Variants in PRKAG2 observed in about 807,000 individuals in gnomAD.
PRKAG2 encodes the protein 5'-AMP-activated protein kinase subunit gamma-2.
PRKAG2 carries 26 observed loss-of-function variants against 69.6 expected under a neutral mutation model. The ratio of observed to expected loss-of-function variants is 0.37; its 90% CI spans 0.27 to 0.52. PRKAG2 has a LOEUF of 0.52. Among genes scored for constraint, PRKAG2 ranks in the 20% least tolerant of loss-of-function variants. PRKAG2 has a pLI of 0.90. For missense variants in PRKAG2, 557 were observed against 740.0 expected (o/e 0.75, Z 2.87); for synonymous variants, 293 against 285.0 (o/e 1.03, Z -0.28).
At chr7:151,725,065 G>A (rs144617480) in intron 3 of PRKAG2, among the ~76,000 whole-genome samples, 22 of 152,186 alleles carry the variant, frequency 1.4e-4, no homozygotes, top group Non-Finnish European at 2.5e-4. Context: ...CAACAGGAGC[G>A]AGGTCGGCCC....
intron 4 of PRKAG2, among the ~76,000 whole-genome samples, chr7:151,654,526 T>C (rs954228): frequency 0.31 from 46,829 of 152,130 alleles, 7,268 homozygotes; most frequent in Middle Eastern, 0.39. Context: ...ATGCAAATAC[T>C]ACTGATACCT....
intron 3 of PRKAG2, among the ~76,000 whole-genome samples, chr7:151,755,387 C>A: frequency 6.6e-6 from 1 of 152,006 alleles, no homozygotes; most frequent in East Asian, 1.9e-4. Context: ...GGACATGAGC[C>A]TGAGCAGAGG....
At chr7:151,646,046 G>A (rs995313812) in intron 4 of PRKAG2, among the ~76,000 whole-genome samples, 1 of 152,018 alleles carries the variant, frequency 6.6e-6, no homozygotes, top group Non-Finnish European at 1.5e-5. Flanking sequence ...TCTCTATTTT[G>A]TTCATTGATT....
rs773497661 is a variant in PRKAG2 at position 151,560,426 on chromosome 7, A to T, written c.1678+98T>A. The T allele has an allele frequency of 2.5e-6, 4 of 1,609,974 alleles. No homozygotes were observed. The South Asian group carries it at 3.3e-5, about 13-fold the overall frequency. On this transcript the variant is annotated intron_variant, in intron 15 of 15. Coordinates refer to ENST00000287878, the MANE Select transcript of PRKAG2 (RefSeq NM_016203.4). Reference sequence around the variant, plus strand: ...TAATATACTCAAAGCCTTGATCTGTAGGTGGGTGGAGAAATGATGGTTTAA... The same window carrying T: ...TAATATACTCAAAGCCTTGATCTGTTGGTGGGTGGAGAAATGATGGTTTAA...
chr7:151,755,149 C>A (rs1390860366), intron 3 of PRKAG2, among the ~76,000 whole-genome samples: 1 of 152,126 alleles, frequency 6.6e-6, no homozygotes, highest in Non-Finnish European at 1.5e-5. Context: ...TGGGCGTAGG[C>A]CGGCTCTGGG....
chr7:151,844,173 C>T (rs1361241112), intron 1 of PRKAG2, among the ~76,000 whole-genome samples: 3 of 152,174 alleles, frequency 2.0e-5, no homozygotes, highest in Admixed American at 1.3e-4. Flanking sequence ...AGAGAAAGAG[C>T]GTGGCTCTGA....
At chr7:151,800,093 C>T (rs1224549818) in intron 1 of PRKAG2, among the ~76,000 whole-genome samples, 2 of 152,166 alleles carry the variant, frequency 1.3e-5, no homozygotes, top group African/African-American at 4.8e-5. Context: ...TGCGGTGGCT[C>T]ATGCCTGTAA....
intron 5 of PRKAG2, among the ~76,000 whole-genome samples, chr7:151,597,118 T>A (rs1814746847): frequency 6.6e-6 from 1 of 151,996 alleles, no homozygotes; most frequent in Admixed American, 6.6e-5. Flanking sequence ...CAGAAATAAA[T>A]CCACACATTA....
chr7:151,707,734 T>C (rs1327054238), intron 3 of PRKAG2, among the ~76,000 whole-genome samples: 1 of 152,056 alleles, frequency 6.6e-6, no homozygotes, highest in Admixed American at 6.5e-5. Flanking sequence ...ACAAAAATAA[T>C]TGAGTGGCTG....
At chr7:151,863,865 C>G (rs1486762967) in intron 1 of PRKAG2, among the ~76,000 whole-genome samples, 1 of 150,958 alleles carries the variant, frequency 6.6e-6, no homozygotes, top group Non-Finnish European at 1.5e-5. Context: ...GTTCGCACCA[C>G]CGCACTCCAG....
Position 151,632,028 on chromosome 7 carries a change from C to A in PRKAG2, c.754+41G>T. On this transcript the variant is annotated intron_variant, in intron 5 of 15. Coordinates refer to ENST00000287878, the MANE Select transcript of PRKAG2 (RefSeq NM_016203.4). The surrounding 1 kb of genome is among the most constrained non-coding windows in gnomAD (Gnocchi z 4.2). ...GGGTCCCGGTCCTCGGGCGGCCGGG[C>A]CGTGGGAGCGCCGGGCCGGCAGCGG... 1 of 1,291,686 alleles carries A rather than the reference C, an allele frequency of 7.7e-7. No individual in the cohort carries two copies. 80.0% of individuals were successfully genotyped at this position (1,291,686 alleles called of 1,614,324 possible).
intron 1 of PRKAG2, among the ~76,000 whole-genome samples, chr7:151,871,792 GTT>G (rs879883306): frequency 2.0e-5 from 3 of 152,126 alleles, no homozygotes; most frequent in Non-Finnish European, 4.4e-5. Flanking sequence ...GAGAGAGGAG[GTT>G]TGCAACAATT....
At position 151,684,907 on chromosome 7, in the gene PRKAG2, C is replaced by T. The variant is rs116764818; in HGVS notation, c.467-9270G>A. ...TCCCTGGTTTCTCATCACCTGGAGA[C>T]GTAAGAAATTGGAAAAAGCTGGTCA... On this transcript the variant is annotated intron_variant, in intron 3 of 15. Coordinates refer to ENST00000287878, the MANE Select transcript of PRKAG2 (RefSeq NM_016203.4). 3.6e-3 allele frequency among the ~76,000 whole-genome samples: 555 copies of T among 152,222 alleles called. 5 individuals carry two copies. Among genetic ancestry groups the T allele is most frequent in the African/African-American group, 0.012 (518 of 41,524 alleles).
At chr7:151,765,066 C>T (rs1312325420) in intron 3 of PRKAG2, among the ~76,000 whole-genome samples, 1 of 152,172 alleles carries the variant, frequency 6.6e-6, no homozygotes, top group Non-Finnish European at 1.5e-5. Flanking sequence ...AGGCTGGGAG[C>T]CTAAGTCAAG....
chr7:151,838,140 A>G (rs2079188005), intron 1 of PRKAG2, among the ~76,000 whole-genome samples: 1 of 152,184 alleles, frequency 6.6e-6, no homozygotes, highest in South Asian at 2.1e-4. Context: ...CTCCCTCCAC[A>G]GTGGTGCCTT....
intron 6 of PRKAG2, among the ~76,000 whole-genome samples, chr7:151,594,323 C>T (rs1813923127): frequency 6.6e-6 from 1 of 152,210 alleles, no homozygotes; most frequent in African/African-American, 2.4e-5. Flanking sequence ...GACAATCCTA[C>T]TTGGAAAATA....
intron 3 of PRKAG2, among the ~76,000 whole-genome samples, chr7:151,694,801 G>A (rs1029702979): frequency 3.3e-5 from 5 of 152,360 alleles, no homozygotes; most frequent in Admixed American, 2.0e-4. Context: ...CAGCAACTAT[G>A]GTTGCTGCCT....
chr7:151,560,434 G>A lies in PRKAG2; in HGVS notation c.1678+90C>T, dbSNP rs866345136. On this transcript the variant is annotated intron_variant, in intron 15 of 15. Coordinates refer to ENST00000287878, the MANE Select transcript of PRKAG2 (RefSeq NM_016203.4). ...TCAAAGCCTTGATCTGTAGGTGGGT[G>A]GAGAAATGATGGTTTAAATGCTGCA... is the stretch of plus-strand genomic sequence containing the variant. 24 of 1,611,188 alleles carry A rather than the reference G, an allele frequency of 1.5e-5. 1 individual carries two copies. In the Middle Eastern group the frequency reaches 3.5e-3, roughly 233 times the overall value.
intron 3 of PRKAG2, among the ~76,000 whole-genome samples, chr7:151,778,454 G>A (rs960995380): frequency 6.6e-6 from 1 of 152,116 alleles, no homozygotes; most frequent in African/African-American, 2.4e-5. Flanking sequence ...CTTTATAAAT[G>A]ACCCAGCCTC....
Sources: allele counts gnomAD v4.1 joint callset (sites outside exome capture counted in the v4.1 genomes callset), GRCh38; gene constraint gnomAD v4.1.1; non-coding constraint Gnocchi (gnomAD v3.1); transcripts MANE v1.5; gene names NCBI Gene and HGNC (gene_info 2026-07-23, HGNC 2026-07-21).